Variants in IL6ST observed in about 807,000 individuals in gnomAD.
IL6ST encodes the protein interleukin 6 cytokine family signal transducer.
In IL6ST, 24 loss-of-function variants were observed where a neutral mutation model predicts 91.3. The ratio of observed to expected loss-of-function variants is 0.26; its 90% CI spans 0.19 to 0.37. The LOEUF is 0.37. IL6ST is among the 10% of genes least tolerant of loss of function. The probability of loss-of-function intolerance (pLI) is 1.00; values close to 1 mark genes in which losing one functional copy is unlikely to be tolerated. For synonymous variants in IL6ST, 351 were observed against 373.6 expected (o/e 0.94, Z 0.70); for missense variants, 914 against 1,078.5 (o/e 0.85, Z 2.14).
chr5:55,982,651 G>T (rs928136564), intron 2 of IL6ST, 73 bp downstream of exon 2: 1 of 396,694 alleles, frequency 2.5e-6, no homozygotes, highest in Admixed American at 4.4e-5. Flanking sequence ...AATCAGGTGA[G>T]TAGGGCAGGG....
intron 3 of IL6ST, among the ~76,000 whole-genome samples, chr5:55,972,767 G>A (rs1013563781): frequency 6.6e-6 from 1 of 152,140 alleles, no homozygotes; most frequent in Non-Finnish European, 1.5e-5. Context: ...CACTTTGGGA[G>A]GCCGAGGTGG....
chr5:55,962,771 C>G (rs1379717582), intron 7 of IL6ST, among the ~76,000 whole-genome samples: 1 of 152,038 alleles, frequency 6.6e-6, no homozygotes, highest in Non-Finnish European at 1.5e-5. Flanking sequence ...ATTTTTGCTC[C>G]TCTACTTAAT....
At chr5:55,957,059 G>A in intron 9 of IL6ST, 150 bp downstream of exon 9, 1 of 429,304 alleles carries the variant, frequency 2.3e-6, no homozygotes, top group Non-Finnish European at 4.2e-6. Context: ...TCAGGAGGCT[G>A]AGGCAGGAGA....
chr5:55,936,140 C>G lies in IL6ST; in HGVS notation c.*4942G>C, dbSNP rs1251884094. The G allele has an allele frequency of 4.4e-6, 1 of 227,248 alleles. No individual in the cohort carries two copies. Among genetic ancestry groups the G allele is most frequent in the Non-Finnish European group, 8.7e-6 (1 of 114,542 alleles). The allele number at this position is 227,248 out of a possible 1,614,324, so 14.1% of individuals were successfully genotyped here. On this transcript the variant is annotated 3_prime_UTR_variant, in exon 17 of 17. Transcript: ENST00000381298. The stretch of plus-strand genomic sequence containing the variant: ...CATTAATAGTTGAGATTTTCTTTTC[C>G]TTCCAGGTGGACTTGCTGACTGATT...
At chr5:55,967,950 C>G (rs1160968801) in intron 5 of IL6ST, among the ~76,000 whole-genome samples, 3 of 152,066 alleles carry the variant, frequency 2.0e-5, no homozygotes. Context: ...CACCCGCCAC[C>G]ATGCCTGGCT....
At chr5:55,943,000 A>AT (rs991424780) in intron 15 of IL6ST, among the ~76,000 whole-genome samples, 2 of 151,806 alleles carry the variant, frequency 1.3e-5, no homozygotes, top group African/African-American at 2.4e-5. Flanking sequence ...CAGTGTTCAA[A>AT]TTTTTTTTTA....
chr5:55,986,607 T>C (rs942524517), intron 1 of IL6ST, among the ~76,000 whole-genome samples: 1 of 152,238 alleles, frequency 6.6e-6, no homozygotes, highest in Non-Finnish European at 1.5e-5. Flanking sequence ...AGCTTCATAT[T>C]TGTTTTCTTC....
At chr5:55,965,700 C>T (rs1362307544) in intron 5 of IL6ST, among the ~76,000 whole-genome samples, 1 of 150,632 alleles carries the variant, frequency 6.6e-6, no homozygotes, top group African/African-American at 2.4e-5. Context: ...TGTGTCAAGA[C>T]GATGAATGAG....
chr5:55,966,991 T>G (rs1580830343), intron 5 of IL6ST, among the ~76,000 whole-genome samples: 1 of 150,590 alleles, frequency 6.6e-6, no homozygotes, highest in African/African-American at 2.4e-5. Flanking sequence ...ATGAAATCTG[T>G]AGATCTAAAA....
Position 55,940,312 on chromosome 5 carries a change from C to A in IL6ST, c.*770G>T. ...AGATGCTTGAGATAGTTTGGGGGAT[C>A]CCTAGCTCTTATCATGGCACTCTGT... On this transcript the variant is annotated 3_prime_UTR_variant, in exon 17 of 17. Coordinates refer to ENST00000381298, the MANE Select transcript of IL6ST (RefSeq NM_002184.4). 4.7e-6 allele frequency: 1 copy of A among 211,842 alleles called. No homozygotes were observed. The highest frequency in any genetic ancestry group is 7.1e-5 in the East Asian group (1 of 14,126). 13.1% of individuals were successfully genotyped at this position (211,842 alleles called of 1,614,324 possible). A position where few individuals can be genotyped will look rare whatever the true frequency, so the allele number is the denominator to read the frequency against.
chr5:55,951,434 G>GA (rs747775407), intron 14 of IL6ST, 30 bp downstream of exon 14: 67 of 1,572,300 alleles, frequency 4.3e-5, no homozygotes, highest in African/African-American at 5.5e-5. Flanking sequence ...GTTTGAGAAA[G>GA]AAAAAAAACC....
At position 55,960,474 on chromosome 5, in the gene IL6ST, A is replaced by C. The variant is rs867647331; in HGVS notation, c.901T>G (p.Cys301Gly). Residue 301 changes from cysteine to glycine, a missense_variant, in exon 8 of 17, where the codon TGT becomes GGT. Physicochemically the swap from Cys to Gly is radical, Grantham distance 159 (BLOSUM62 -3). Coordinates refer to ENST00000381298, the MANE Select transcript of IL6ST (RefSeq NM_002184.4). Reference sequence around the variant, plus strand: ...TATCCCTTACCATCTTCCTTCATACAGCGAATCCTAAACACATATTCTGTA... The same window carrying C: ...TATCCCTTACCATCTTCCTTCATACCGCGAATCCTAAACACATATTCTGTA... Reference protein sequence around the residue: ...PFTEYVFRIRCMKEDGKGYWS... With the variant: ...PFTEYVFRIRGMKEDGKGYWS... The C allele has an allele frequency of 6.2e-7, 1 of 1,614,034 alleles. No homozygotes were observed. The highest frequency in any genetic ancestry group is 8.5e-7 in the Non-Finnish European group (1 of 1,179,926).
chr5:55,976,109 G>A (rs1753272859), intron 3 of IL6ST, 106 bp downstream of exon 3: 2 of 470,382 alleles, frequency 4.3e-6, no homozygotes, highest in Non-Finnish European at 7.4e-6. Flanking sequence ...ATCCTAGAAA[G>A]AATATATGAA....
At chr5:55,992,092 T>C (rs540450044) in intron 1 of IL6ST, among the ~76,000 whole-genome samples, 4 of 152,332 alleles carry the variant, frequency 2.6e-5, no homozygotes, top group African/African-American at 7.2e-5. Flanking sequence ...TACAAACTGC[T>C]TTTGAAGTAT....
rs1324909056 is a variant in IL6ST, at chr5:55,951,514, T to A, written c.1790A>T (p.Asp597Val). The A allele has an allele frequency of 1.9e-6, 3 of 1,613,020 alleles. No homozygotes were observed. The highest frequency in any genetic ancestry group is 1.3e-5 in the African/African-American group (1 of 74,918). The change falls in exon 14 of 17, where the codon GAT (aspartate) becomes GTT (valine). Residue 597 changes from aspartate to valine, a missense_variant. Coordinates refer to ENST00000381298, the MANE Select transcript of IL6ST (RefSeq NM_002184.4). The stretch of plus-strand genomic sequence containing the variant: ...TTCTGGACCATCCTTCCCACCTTCA[T>A]CTGTGTATGCTGCCATTCGTACCAT... Reference protein sequence around the residue: ...LYMVRMAAYTDEGGKDGPEFT... With the variant: ...LYMVRMAAYTVEGGKDGPEFT...
chr5:55,966,722 T>C (rs766627578), intron 5 of IL6ST, among the ~76,000 whole-genome samples: 1 of 152,108 alleles, frequency 6.6e-6, no homozygotes, highest in African/African-American at 2.4e-5. Context: ...AAAGCAAAGA[T>C]AGTAAAATGT....
rs1580773003 is a variant in IL6ST, at chr5:55,938,894, A to G, written c.*2188T>C. ...ATAAAGTGTTCTTGGGGATGGGGGT[A>G]TATTCACTCACTGTACCATGTTTTA... On this transcript the variant is annotated 3_prime_UTR_variant, in exon 17 of 17. Transcript: ENST00000381298. The G allele has an allele frequency of 9.9e-6, 2 of 202,636 alleles. No individual in the cohort carries two copies. The highest frequency in any genetic ancestry group is 4.6e-5 in the African/African-American group (2 of 43,590). The allele number at this position is 202,636 out of a possible 1,614,324, so 12.6% of individuals were successfully genotyped here.
intron 3 of IL6ST, among the ~76,000 whole-genome samples, chr5:55,974,933 TCATACACACACACACACACA>T (rs1164709495): frequency 2.8e-5 from 4 of 144,452 alleles, no homozygotes; most frequent in South Asian, 2.3e-4. Context: ...ATAGTATTAT[TCATACACACACACACACACA>T]CATACACACA....
rs1201234756 is a variant in IL6ST, at chr5:55,968,416, A to G, written c.371-20T>C. 1.2e-6 allele frequency: 2 copies of G among 1,607,106 alleles called. No individual in the cohort carries two copies. Among genetic ancestry groups the G allele is most frequent in the Non-Finnish European group, 8.5e-7 (1 of 1,176,744 alleles). ...GAGGCACTAAAAGGGATTAATTAGC[A>G]TCTTTCAGAAAGCTTTATATCCACA... On this transcript the variant is annotated intron_variant, in intron 4 of 16. Transcript: ENST00000381298.
Sources: gnomAD v4.1 joint callset for allele counts (sites outside exome capture counted in the v4.1 genomes callset) on GRCh38, gnomAD v4.1.1 for gene constraint, MANE v1.5 for transcripts, NCBI Gene and HGNC (gene_info 2026-07-23, HGNC 2026-07-21) for gene names.